IKZF2: variants seen among roughly 807,000 people sequenced by gnomAD.
IKZF2 encodes the protein zinc finger protein Helios.
A neutral mutation model predicts 49.2 loss-of-function variants in IKZF2; 15 were observed. The observed-to-expected ratio is 0.30, with a 90% CI of 0.20 to 0.47. IKZF2 has a LOEUF of 0.47. Among genes scored for constraint, IKZF2 ranks in the 20% least tolerant of loss-of-function variants. The pLI is 1.00. For synonymous variants in IKZF2, 227 were observed against 221.4 expected (o/e 1.03, Z -0.23); for missense variants, 567 against 664.6 (o/e 0.85, Z 1.61).
At chr2:213,010,632 G>A (rs1047205751) in intron 8 of IKZF2, among the ~76,000 whole-genome samples, 1 of 152,100 alleles carries the variant, frequency 6.6e-6, no homozygotes, top group African/African-American at 2.4e-5. Context: ...TATGTGCAAT[G>A]TAAAAAGAAC....
chr2:213,092,946 A>C (rs1307754625), intron 4 of IKZF2, among the ~76,000 whole-genome samples: 1 of 152,166 alleles, frequency 6.6e-6, no homozygotes, highest in African/African-American at 2.4e-5. Flanking sequence ...CCTCCCCAGG[A>C]ACCAGCTTTA....
intron 4 of IKZF2, among the ~76,000 whole-genome samples, chr2:213,140,183 G>A (rs2060816540): frequency 6.6e-6 from 1 of 151,754 alleles, no homozygotes; most frequent in Non-Finnish European, 1.5e-5. Flanking sequence ...ACATTCATTT[G>A]GAATTCTATG....
At chr2:213,121,087 A>G (rs970956515) in intron 4 of IKZF2, among the ~76,000 whole-genome samples, 1 of 152,172 alleles carries the variant, frequency 6.6e-6, no homozygotes, top group Non-Finnish European at 1.5e-5. Flanking sequence ...ATTCTCTTTA[A>G]AGGAAAAAAT....
intron 4 of IKZF2, among the ~76,000 whole-genome samples, chr2:213,125,705 T>C (rs1056575405): frequency 6.6e-6 from 1 of 152,070 alleles, no homozygotes; most frequent in Non-Finnish European, 1.5e-5. Flanking sequence ...AATGTCTACA[T>C]AATAACAAAA....
At chr2:213,088,212 A>C (rs1489264117) in intron 4 of IKZF2, among the ~76,000 whole-genome samples, 1 of 152,104 alleles carries the variant, frequency 6.6e-6, no homozygotes, top group Non-Finnish European at 1.5e-5. Flanking sequence ...CTGGTGTGAG[A>C]TGGTATCTCA....
rs1553604966 is a variant in IKZF2, at chr2:213,146,766, G to GGGC, written c.139+941_139+942insGCC. On this transcript the variant is annotated intron_variant, in intron 4 of 8. Transcript: ENST00000434687. ...TCTTAGTTATTAAATCTTCGGGGGG[G>GGGC]GGGAAGGAAAGAGAATGCCTTTCCT... is the stretch of plus-strand genomic sequence containing the variant. Among the ~76,000 whole-genome samples, 294 of 124,530 alleles carry GGGC rather than the reference G, an allele frequency of 2.4e-3. 21 individuals carry two copies. Among genetic ancestry groups the GGGC allele is most frequent in the African/African-American group, 7.9e-3 (279 of 35,306 alleles). 81.7% of individuals were successfully genotyped at this position (124,530 alleles called of 152,430 possible).
intron 4 of IKZF2, among the ~76,000 whole-genome samples, chr2:213,128,108 G>A (rs2125877782): frequency 6.6e-6 from 1 of 152,244 alleles, no homozygotes; most frequent in Admixed American, 6.5e-5. Context: ...AATAAAAAAG[G>A]TATTCTAAAT....
chr2:213,049,279 A>G (rs975643230), intron 6 of IKZF2, among the ~76,000 whole-genome samples: 2 of 152,050 alleles, frequency 1.3e-5, no homozygotes, highest in African/African-American at 2.4e-5. Context: ...AAAAGAAACA[A>G]TTTTATTTTC....
At chr2:213,050,020 C>A (rs1700531841) in intron 5 of IKZF2, 140 bp from the exon 6 acceptor site, 3 of 527,348 alleles carry the variant, frequency 5.7e-6, no homozygotes, top group Admixed American at 8.0e-5. Context: ...TTTATCTGCC[C>A]AGAATTTGCT....
At chr2:213,081,777 T>C (rs1332232055) in intron 4 of IKZF2, among the ~76,000 whole-genome samples, 2 of 152,152 alleles carry the variant, frequency 1.3e-5, no homozygotes, top group Admixed American at 1.3e-4. Flanking sequence ...CATAAAATCA[T>C]GCCCTGAGGA....
intron 4 of IKZF2, among the ~76,000 whole-genome samples, chr2:213,073,602 C>T (rs1702939149): frequency 6.6e-6 from 1 of 152,152 alleles, no homozygotes; most frequent in Non-Finnish European, 1.5e-5. Context: ...GTACACTTCA[C>T]CTTTCCAAAA....
rs1695151474 is a variant in IKZF2 at position 213,004,356 on chromosome 2, C to T, written c.*3004G>A. ...TCCAATCCGCCTACTGATCCCTTTC[C>T]CTGTCTTAAAAAGGTCCAATTAGAA... On this transcript the variant is annotated 3_prime_UTR_variant, in exon 9 of 9. Coordinates refer to ENST00000434687, the MANE Select transcript of IKZF2 (RefSeq NM_001387220.1). The T allele has an allele frequency of 1.3e-5, 2 of 151,792 alleles. No individual in the cohort carries two copies. The highest frequency in any genetic ancestry group is 2.9e-5 in the Non-Finnish European group (2 of 67,846). 9.4% of individuals were successfully genotyped at this position (151,792 alleles called of 1,614,324 possible). A position where few individuals can be genotyped will look rare whatever the true frequency, so the allele number is the denominator to read the frequency against.
At chr2:213,139,094 A>AT (rs2125936321) in intron 4 of IKZF2, among the ~76,000 whole-genome samples, 1 of 152,106 alleles carries the variant, frequency 6.6e-6, no homozygotes, top group South Asian at 2.1e-4. Flanking sequence ...TAAAATCAAC[A>AT]TTTTACAAAT....
intron 4 of IKZF2, among the ~76,000 whole-genome samples, chr2:213,132,065 C>A (rs574202935): frequency 1.3e-5 from 2 of 152,138 alleles, no homozygotes; most frequent in South Asian, 2.1e-4. Context: ...AGTTTATTAA[C>A]CCTCACAACA....
chr2:213,058,774 C>T (rs1701410080), intron 4 of IKZF2, among the ~76,000 whole-genome samples: 1 of 151,760 alleles, frequency 6.6e-6, no homozygotes, highest in South Asian at 2.1e-4. Context: ...AGTTTTATTG[C>T]TTTAAACTTG....
At chr2:213,043,166 A>G (rs1281591811) in intron 6 of IKZF2, among the ~76,000 whole-genome samples, 1 of 143,476 alleles carries the variant, frequency 7.0e-6, no homozygotes, top group African/African-American at 2.5e-5. Context: ...TACAGGGATC[A>G]TGCAAGGTAA....
intron 7 of IKZF2, among the ~76,000 whole-genome samples, chr2:213,018,761 G>T (rs540531358): frequency 1.3e-5 from 2 of 152,196 alleles, no homozygotes; most frequent in African/African-American, 4.8e-5. Context: ...CAGGGAAGCT[G>T]TTAATTATCT....
At chr2:213,063,449 C>T (rs1701885273) in intron 4 of IKZF2, among the ~76,000 whole-genome samples, 1 of 151,826 alleles carries the variant, frequency 6.6e-6, no homozygotes, top group African/African-American at 2.4e-5. Flanking sequence ...CTGACTCAGC[C>T]ACTAGTACCA....
At chr2:213,065,450 TATG>T (rs752074483) in intron 4 of IKZF2, among the ~76,000 whole-genome samples, 5 of 152,096 alleles carry the variant, frequency 3.3e-5, no homozygotes, top group African/African-American at 7.2e-5. Flanking sequence ...CTGATTTACG[TATG>T]ATATTTCTGT....
Sources: allele counts gnomAD v4.1 joint callset (sites outside exome capture counted in the v4.1 genomes callset), GRCh38; gene constraint gnomAD v4.1.1; transcripts MANE v1.5; gene names NCBI Gene and HGNC (gene_info 2026-07-23, HGNC 2026-07-21).